The following MAP2K5 variants were observed in gnomAD, a reference collection of about 807,000 sequenced individuals.
The protein encoded by MAP2K5 is mitogen-activated protein kinase kinase 5, also known as dual specificity mitogen-activated protein kinase kinase 5.
In MAP2K5, 49 loss-of-function variants were observed where a neutral mutation model predicts 83.1. The ratio of observed to expected loss-of-function variants is 0.59; its 90% CI spans 0.47 to 0.75. The LOEUF is 0.75. MAP2K5 is among the 30% of genes least tolerant of loss of function. The pLI is 0.00. For missense variants in MAP2K5, 457 were observed against 557.5 expected (o/e 0.82, Z 1.82); for synonymous variants, 202 against 191.8 (o/e 1.05, Z -0.44).
At position 67,777,300 on chromosome 15, in the gene MAP2K5, C is replaced by T. The variant is rs115092472; in HGVS notation, c.1242+4548C>T. Reference sequence around the variant, plus strand: ...TGGGCTGTGGGCACCCACACAGTTACAATTTGGGCTCAGAGTACGGTAGAT... The same window carrying T: ...TGGGCTGTGGGCACCCACACAGTTATAATTTGGGCTCAGAGTACGGTAGAT... On this transcript the variant is annotated intron_variant, in intron 21 of 21. Transcript: ENST00000178640. The surrounding 1 kb of genome is among the most constrained non-coding windows in gnomAD (Gnocchi z 6.0). Among the ~76,000 whole-genome samples the T allele has an allele frequency of 0.017, 2,615 of 152,250 alleles. 76 individuals carry two copies. Among genetic ancestry groups the T allele is most frequent in the African/African-American group, 0.06 (2,497 of 41,526 alleles).
chr15:67,641,607 T>C, intron 9 of MAP2K5: 1 of 994,406 alleles, frequency 1.0e-6, no homozygotes, highest in East Asian at 1.1e-4. Flanking sequence ...ACTTGACAAC[T>C]CATCCTTATT....
At chr15:67,648,603 C>T (rs985922455) in intron 11 of MAP2K5, among the ~76,000 whole-genome samples, 5 of 150,940 alleles carry the variant, frequency 3.3e-5, no homozygotes, top group South Asian at 2.1e-4. Context: ...AACAGAGTCT[C>T]GCTCTGTCGC....
At chr15:67,613,662 T>A (rs1283943914) in intron 8 of MAP2K5, among the ~76,000 whole-genome samples, 2 of 152,094 alleles carry the variant, frequency 1.3e-5, no homozygotes, top group African/African-American at 4.8e-5. Context: ...AAGTTCATGT[T>A]GACTTGTCAA....
Position 67,595,418 on chromosome 15 carries a change from G to A in MAP2K5, c.480+2444G>A, listed in dbSNP as rs546657408. Among the ~76,000 whole-genome samples, 3 of 152,194 alleles carry A rather than the reference G, an allele frequency of 2.0e-5. No homozygotes were observed. The South Asian group carries it at 6.2e-4, about 32-fold the overall frequency. ...GTGACTGCTTTCTGAAACCATTATTGCTTCGATTTGTGAAGCAAAGGTCTA... is the reference window on the plus strand; with the variant it reads ...GTGACTGCTTTCTGAAACCATTATTACTTCGATTTGTGAAGCAAAGGTCTA... On this transcript the variant is annotated intron_variant, in intron 7 of 21. Coordinates refer to ENST00000178640, the MANE Select transcript of MAP2K5 (RefSeq NM_145160.3).
chr15:67,599,490 T>A (rs1329041949), intron 7 of MAP2K5, among the ~76,000 whole-genome samples: 1 of 152,234 alleles, frequency 6.6e-6, no homozygotes, highest in Non-Finnish European at 1.5e-5. Context: ...ACTTCAGAAA[T>A]GTGTAGAAGG....
chr15:67,598,401 G>A (rs2085577355), intron 7 of MAP2K5, among the ~76,000 whole-genome samples: 2 of 152,150 alleles, frequency 1.3e-5, no homozygotes, highest in East Asian at 1.9e-4. Flanking sequence ...AATCCTCCTG[G>A]TTATCTGAAG....
At chr15:67,579,392 C>T (rs1391022190) in intron 3 of MAP2K5, among the ~76,000 whole-genome samples, 5 of 152,098 alleles carry the variant, frequency 3.3e-5, no homozygotes, top group African/African-American at 4.8e-5. Flanking sequence ...TGAGTAATGG[C>T]GAGTGCTGTA....
rs898204509 is a variant in MAP2K5, at chr15:67,665,937, G to A, written c.847+1292G>A. 6.6e-6 allele frequency among the ~76,000 whole-genome samples: 1 copy of A among 152,128 alleles called. No homozygotes were observed. The highest frequency in any genetic ancestry group is 1.5e-5 in the Non-Finnish European group (1 of 68,014). ...ATAACTTATATTGTTTCTATTCCCTGTACTCCTACCTCCGCACACCCAGCT... is the reference window on the plus strand; with the variant it reads ...ATAACTTATATTGTTTCTATTCCCTATACTCCTACCTCCGCACACCCAGCT... On this transcript the variant is annotated intron_variant, in intron 13 of 21. Transcript: ENST00000178640. This position sits in a 1 kb window ranked among gnomAD's most constrained non-coding sequence, Gnocchi z 4.2.
At chr15:67,661,533 T>G (rs377138239) in intron 12 of MAP2K5, among the ~76,000 whole-genome samples, 17 of 152,270 alleles carry the variant, frequency 1.1e-4, no homozygotes, top group East Asian at 9.6e-4. Context: ...TTCTAGCTCC[T>G]TTTTCACCAG....
intron 15 of MAP2K5, among the ~76,000 whole-genome samples, chr15:67,696,176 T>C (rs770316991): frequency 6.6e-6 from 1 of 151,570 alleles, no homozygotes; most frequent in Non-Finnish European, 1.5e-5. Context: ...TTAGCTGTTA[T>C]ATTTTATAAT....
At chr15:67,553,919 CAA>C (rs71142378) in intron 2 of MAP2K5, among the ~76,000 whole-genome samples, 8,970 of 78,782 alleles carry the variant, frequency 0.11, 101 homozygotes, top group East Asian at 0.22. Context: ...GACTCCATCT[CAA>C]AAAAAAAAAA....
At chr15:67,608,567 G>A (rs904447906) in intron 8 of MAP2K5, among the ~76,000 whole-genome samples, 1 of 152,174 alleles carries the variant, frequency 6.6e-6, no homozygotes, top group Non-Finnish European at 1.5e-5. Context: ...ATGGCTTTTA[G>A]CTTTTTCCTC....
intron 6 of MAP2K5, among the ~76,000 whole-genome samples, chr15:67,589,066 A>G (rs2085345018): frequency 6.6e-6 from 1 of 152,070 alleles, no homozygotes; most frequent in African/African-American, 2.4e-5. Flanking sequence ...GCTAGTCTCA[A>G]ACTCCTGGCT....
rs917971235 is a variant in MAP2K5, at chr15:67,783,026, C to T, written c.1242+10274C>T. 1.3e-5 allele frequency among the ~76,000 whole-genome samples: 2 copies of T among 152,262 alleles called. No homozygotes were observed. Among genetic ancestry groups the T allele is most frequent in the African/African-American group, 4.8e-5 (2 of 41,472 alleles). On this transcript the variant is annotated intron_variant, in intron 21 of 21. Coordinates refer to ENST00000178640, the MANE Select transcript of MAP2K5 (RefSeq NM_145160.3). This position sits in a 1 kb window ranked among gnomAD's most constrained non-coding sequence, Gnocchi z 5.1. ...GGACTGGCTGAATTATAACCCACTG[C>T]ACGTCTGGTGCAGATTTGTATTGCA...
chr15:67,569,020 C>CAAAAAAAAAAAAAAAAAAAAA (rs1174055788), intron 3 of MAP2K5, among the ~76,000 whole-genome samples: 1 of 112,410 alleles, frequency 8.9e-6, no homozygotes, highest in Non-Finnish European at 1.9e-5. Flanking sequence ...AAAAAAAAAA[C>CAAAAAAAAAAAAAAAAAAAAA]AAAAAAAAAA....
At chr15:67,612,938 A>T (rs990655024) in intron 8 of MAP2K5, among the ~76,000 whole-genome samples, 2 of 152,180 alleles carry the variant, frequency 1.3e-5, no homozygotes, top group African/African-American at 4.8e-5. Context: ...CTTGTTAGTT[A>T]AAGTAATTTT....
chr15:67,721,070 G>A lies in MAP2K5; in HGVS notation c.1045-6846G>A, dbSNP rs1035124918. ...ACTGTTGCCCTCTTCCTGTTTAAGT[G>A]TCTACTGTAATAAGCCCATTTCTTT... On this transcript the variant is annotated intron_variant, in intron 16 of 21. Transcript: ENST00000178640. Among the ~76,000 whole-genome samples, 5 of 152,272 alleles carry A rather than the reference G, an allele frequency of 3.3e-5. No homozygotes were observed. In the East Asian group the frequency reaches 9.6e-4, roughly 29 times the overall value.
chr15:67,589,783 A>ATGTGTGTGTGTG lies in MAP2K5; in HGVS notation c.431+2892_431+2903dup, dbSNP rs10584480. Among the ~76,000 whole-genome samples the ATGTGTGTGTGTG allele has an allele frequency of 1.3e-4, 19 of 150,246 alleles. No individual in the cohort carries two copies. In the East Asian group the frequency reaches 2.4e-3, roughly 19 times the overall value. On this transcript the variant is annotated intron_variant, in intron 6 of 21. Transcript: ENST00000178640. Reference sequence around the variant, plus strand: ...CCCAGAAAAAAATGTGTGTGTGTGTATGTGTGTGTGTGTGTGTGTGTGTGT... The same window carrying ATGTGTGTGTGTG: ...CCCAGAAAAAAATGTGTGTGTGTGTATGTGTGTGTGTGTGTGTGTGTGTGTGTGTGTGTGTGT...
chr15:67,545,115 T>C (rs1436116429), intron 1 of MAP2K5, among the ~76,000 whole-genome samples: 5 of 152,196 alleles, frequency 3.3e-5, no homozygotes, highest in African/African-American at 1.2e-4. Context: ...CTGTCTGCAC[T>C]CTGCTCTTCA....
Sources: gnomAD v4.1 joint callset for allele counts (sites outside exome capture counted in the v4.1 genomes callset) on GRCh38, gnomAD v4.1.1 for gene constraint, Gnocchi (gnomAD v3.1) non-coding constraint, MANE v1.5 for transcripts, NCBI Gene and HGNC (gene_info 2026-07-23, HGNC 2026-07-21) for gene names.